Variants in GLYATL3 observed in about 807,000 individuals in gnomAD.
GLYATL3 encodes the protein glycine-N-acyltransferase like 3.
A neutral mutation model predicts 28.5 loss-of-function variants in GLYATL3; 31 were observed. The ratio of observed to expected loss-of-function variants is 1.09; its 90% CI spans 0.82 to 1.47. The LOEUF (loss-of-function observed/expected upper bound fraction) is 1.47, where lower values mean the gene tolerates loss of function less well. Ranked by LOEUF, GLYATL3 falls within the 40% of genes most tolerant of loss-of-function variation. The pLI, the probability that GLYATL3 is intolerant of heterozygous loss-of-function variation, is 0.00. For synonymous variants in GLYATL3, 141 were observed against 140.2 expected, an observed-to-expected ratio of 1.01 and a Z score of -0.04; for missense variants, 369 against 351.5, an observed-to-expected ratio of 1.05 and a Z score of -0.40.
chr6:49,506,709 A>G (rs1369041297), intron 1 of GLYATL3, among the ~76,000 whole-genome samples: 3 of 152,110 alleles, frequency 2.0e-5, no homozygotes, highest in Non-Finnish European at 4.4e-5. Flanking sequence ...GGAGACAAGG[A>G]CGGCTCAATA....
At chr6:49,522,443 T>C (rs1215405566) in intron 5 of GLYATL3, among the ~76,000 whole-genome samples, 6 of 152,218 alleles carry the variant, frequency 3.9e-5, no homozygotes, top group African/African-American at 1.4e-4. Context: ...CCTTTCTGAG[T>C]CTCAATTTCT....
rs886557323 is a variant in GLYATL3 at position 49,513,809 on chromosome 6, A to T, written c.78+1741A>T. ...GCATTGAAGAAAATGAGTGATTTAG[A>T]TTACAATAGTGATAAAGTCAGGTGC... On this transcript the variant is annotated intron_variant, in intron 2 of 5. Coordinates refer to ENST00000371197, the MANE Select transcript of GLYATL3 (RefSeq NM_001010904.2). Among the ~76,000 whole-genome samples, 20 of 152,208 alleles carry T rather than the reference A, an allele frequency of 1.3e-4. No individual in the cohort carries two copies. In the East Asian group the frequency reaches 3.9e-3, roughly 29 times the overall value.
rs1393899883 is a variant in GLYATL3 at position 49,526,596 on chromosome 6, C to T, written c.549C>T (p.Asn183=). The T allele has an allele frequency of 5.8e-6, 9 of 1,551,992 alleles. No individual in the cohort carries two copies. Among genetic ancestry groups the T allele is most frequent in the Non-Finnish European group, 7.8e-6 (9 of 1,147,046 alleles). Reference sequence around the variant, plus strand: ...AACAATGTCTCCGGTACATCGCCAACCTCATCTCCTGCTTCCCTAGTGTGT... The same window carrying T: ...AACAATGTCTCCGGTACATCGCCAATCTCATCTCCTGCTTCCCTAGTGTGT... ...GNEQCLRYIA[N]LISCFPSVCV... Residue 183 remains asparagine, a synonymous_variant, in exon 6 of 6, where the codon AAC becomes AAT. Transcript: ENST00000371197.
chr6:49,505,327 G>A (rs1236346882), intron 1 of GLYATL3, among the ~76,000 whole-genome samples: 2 of 152,344 alleles, frequency 1.3e-5, no homozygotes, highest in African/African-American at 4.8e-5. Context: ...TATTGCCTTA[G>A]TGGCATGGAC....
At chr6:49,518,058 T>G (rs1372826916) in intron 4 of GLYATL3, among the ~76,000 whole-genome samples, 1 of 152,212 alleles carries the variant, frequency 6.6e-6, no homozygotes, top group Non-Finnish European at 1.5e-5. Flanking sequence ...GGTCTTGCTC[T>G]GCAACCTAGG....
At chr6:49,502,705 G>T (rs192687955) in intron 1 of GLYATL3, among the ~76,000 whole-genome samples, 417 of 152,232 alleles carry the variant, frequency 2.7e-3, no homozygotes, top group African/African-American at 9.4e-3. Context: ...AGTTTGAATA[G>T]ATTGATGTAA....
rs1257966856 is a variant in GLYATL3, at chr6:49,526,791, C to A, written c.744C>A (p.Asn248Lys). 1.9e-6 allele frequency: 3 copies of A among 1,551,950 alleles called. No homozygotes were observed. The highest frequency in any genetic ancestry group is 2.6e-6 in the Non-Finnish European group (3 of 1,146,992). Residue 248 changes from asparagine (N) to lysine (K), a missense_variant, in exon 6 of 6, where the codon AAC becomes AAA. Asn to Lys is a moderately conservative substitution (Grantham distance 94, BLOSUM62 0). Transcript: ENST00000371197. ...LQSRGFPSQG[N>K]VLDDNTASIS... ...GCCGGGGATTCCCCTCTCAGGGGAA[C>A]GTCCTGGATGACAACACGGCGTCTA... is the stretch of plus-strand genomic sequence containing the variant.
chr6:49,510,704 A>C (rs1158354501), intron 1 of GLYATL3, among the ~76,000 whole-genome samples: 1 of 152,108 alleles, frequency 6.6e-6, no homozygotes. Context: ...AAGTCTGGAA[A>C]CTAGATCTTT....
intron 1 of GLYATL3, among the ~76,000 whole-genome samples, chr6:49,503,475 A>AAAATC (rs1768950558): frequency 6.6e-6 from 1 of 152,234 alleles, no homozygotes; most frequent in Non-Finnish European, 1.5e-5. Flanking sequence ...GGAGTTAAAT[A>AAAATC]TATGATATAA....
intron 1 of GLYATL3, among the ~76,000 whole-genome samples, chr6:49,510,045 T>TATTC (rs1333681605): frequency 8.9e-5 from 13 of 146,876 alleles, no homozygotes; most frequent in African/African-American, 3.0e-4. Context: ...TTTATTTATT[T>TATTC]ATTTTTTTGA....
At chr6:49,510,477 C>G (rs1255294164) in intron 1 of GLYATL3, among the ~76,000 whole-genome samples, 1 of 152,196 alleles carries the variant, frequency 6.6e-6, no homozygotes. Flanking sequence ...GATCTCTAGA[C>G]ATCAAACCTA....
At position 49,518,729 on chromosome 6, in the gene GLYATL3, A is replaced by G. The variant is rs557140637; in HGVS notation, c.313+1173A>G. 3.9e-5 allele frequency among the ~76,000 whole-genome samples: 6 copies of G among 152,234 alleles called. No individual in the cohort carries two copies. In the South Asian group the frequency reaches 1.2e-3, roughly 32 times the overall value. On this transcript the variant is annotated intron_variant, in intron 4 of 5. Transcript: ENST00000371197. ...GCCGAGGTGGGTAGATCGTGAGGTCAGGAGATTGAGACCATTCTGGCTAAC... is the reference window on the plus strand; with the variant it reads ...GCCGAGGTGGGTAGATCGTGAGGTCGGGAGATTGAGACCATTCTGGCTAAC...
intron 1 of GLYATL3, among the ~76,000 whole-genome samples, chr6:49,508,305 T>TAAC (rs770533337): frequency 2.6e-5 from 4 of 151,746 alleles, no homozygotes; most frequent in East Asian, 1.9e-4. Flanking sequence ...CAAACAACAA[T>TAAC]AACAACAACA....
chr6:49,506,622 A>G (rs550311205), intron 1 of GLYATL3, among the ~76,000 whole-genome samples: 8 of 152,208 alleles, frequency 5.3e-5, no homozygotes, highest in Non-Finnish European at 8.8e-5. Context: ...TAATAACTGC[A>G]TTAACAGCTC....
intron 5 of GLYATL3, among the ~76,000 whole-genome samples, chr6:49,524,051 C>A (rs1289965676): frequency 6.6e-6 from 1 of 151,166 alleles, no homozygotes; most frequent in African/African-American, 2.4e-5. Context: ...AAACAATTTG[C>A]CTTTAACACC....
At chr6:49,512,614 G>C (rs1191058772) in intron 2 of GLYATL3, among the ~76,000 whole-genome samples, 1 of 152,162 alleles carries the variant, frequency 6.6e-6, no homozygotes, top group Non-Finnish European at 1.5e-5. Context: ...ACATAATCTA[G>C]TTAAAATAAT....
In GLYATL3 at chr6:49,526,544, A is replaced by G; in HGVS notation, c.497A>G (p.Asn166Ser). ...YLSVANADLL[N>S]RTWSRGGNEQ... ...AGTGTTGCCAATGCGGATCTACTCA[A>G]CCGGACTTGGTCCCGGGGAGGCAAT... The change falls in exon 6 of 6, where the codon AAC (asparagine) becomes AGC (serine). Residue 166 changes from asparagine to serine, a missense_variant. Transcript: ENST00000371197. The G allele has an allele frequency of 6.4e-7, 1 of 1,551,726 alleles. No individual in the cohort carries two copies.
At chr6:49,507,282 G>C (rs1328823788) in intron 1 of GLYATL3, among the ~76,000 whole-genome samples, 1 of 152,098 alleles carries the variant, frequency 6.6e-6, no homozygotes, top group Admixed American at 6.5e-5. Context: ...TAAGAGCCCA[G>C]TCAGTCCAAA....
intron 5 of GLYATL3, among the ~76,000 whole-genome samples, chr6:49,524,000 C>CTTTTTTTTTTT (rs67853821): frequency 6.9e-6 from 1 of 145,324 alleles, no homozygotes; most frequent in African/African-American, 2.5e-5. Flanking sequence ...GACATTTTGT[C>CTTTTTTTTTTT]TTTTTTTTTT....
Sources: gnomAD v4.1 joint callset for allele counts (sites outside exome capture counted in the v4.1 genomes callset) on GRCh38, gnomAD v4.1.1 for gene constraint, MANE v1.5 for transcripts, NCBI Gene and HGNC (gene_info 2026-07-23, HGNC 2026-07-21) for gene names.